ZNF718: variants seen among roughly 807,000 people sequenced by gnomAD.
ZNF718 encodes zinc finger protein 718.
Under a neutral mutation model 2.6 loss-of-function variants are expected in ZNF718, and 3 were observed. That is an observed-to-expected ratio of 1.16 (90% CI 0.53 to 3.01). ZNF718 has a LOEUF of 3.01. Ranked by LOEUF, ZNF718 falls within the 30% of genes most tolerant of loss-of-function variation. The pLI, the probability that ZNF718 is intolerant of heterozygous loss-of-function variation, is 0.03. For synonymous variants in ZNF718, 135 were observed against 77.9 expected (o/e 1.73, Z -3.86); for missense variants, 468 against 230.0 (o/e 2.03, Z -6.69).
chr4:166,416 A>G (rs1717088870), downstream of ZNF718, among the ~76,000 whole-genome samples: 1 of 152,190 alleles, frequency 6.6e-6, no homozygotes, highest in Non-Finnish European at 1.5e-5. Flanking sequence ...ATCCCTGAGG[A>G]ATCGCCACAT....
intron 3 of ZNF718, among the ~76,000 whole-genome samples, chr4:140,041 G>T (rs1416488452): frequency 6.6e-6 from 1 of 151,120 alleles, no homozygotes; most frequent in Non-Finnish European, 1.5e-5. Context: ...TTTTCTGCAC[G>T]TGGTCCCCGA....
Position 162,444 on chromosome 4 carries a change from C to T in ZNF718, c.*322C>T, listed in dbSNP as rs150738691. ...GCATTTATACTTGAGAAAAATTGTA[C>T]AAATATAGAAAATGTAGAAAAGCCA... On this transcript the variant is annotated 3_prime_UTR_variant, in exon 4 of 4. Coordinates refer to ENST00000510175, the MANE Select transcript of ZNF718 (RefSeq NM_001039127.6). 272 of 202,490 alleles carry T rather than the reference C, an allele frequency of 1.3e-3. 4 individuals are homozygous for T. Among genetic ancestry groups the T allele is most frequent in the African/African-American group, 6.1e-3 (264 of 43,254 alleles). 12.5% of individuals were successfully genotyped at this position (202,490 alleles called of 1,614,324 possible). A position where few individuals can be genotyped will look rare whatever the true frequency, so the allele number is the denominator to read the frequency against.
rs1021008890 is a variant in ZNF718, at chr4:124,509, C to T, written c.-162C>T. 7.9e-6 allele frequency: 8 copies of T among 1,006,828 alleles called. No individual in the cohort carries two copies. Among genetic ancestry groups the T allele is most frequent in the African/African-American group, 4.8e-5 (3 of 62,748 alleles). 62.4% of individuals were successfully genotyped at this position (1,006,828 alleles called of 1,614,324 possible). A position where few individuals can be genotyped will look rare whatever the true frequency, so the allele number is the denominator to read the frequency against. ...CATCCGGGATCTGGCGCGGCTTTTGCTTGTAGCTCCAGCCAGAGCTCGGTT... is the reference window on the plus strand; with the variant it reads ...CATCCGGGATCTGGCGCGGCTTTTGTTTGTAGCTCCAGCCAGAGCTCGGTT... On this transcript the variant is annotated 5_prime_UTR_variant, in exon 1 of 4. Coordinates refer to ENST00000510175, the MANE Select transcript of ZNF718 (RefSeq NM_001039127.6).
intron 3 of ZNF718, among the ~76,000 whole-genome samples, chr4:194,179 ATT>A (rs1581487246): frequency 6.6e-6 from 1 of 152,062 alleles, no homozygotes; most frequent in East Asian, 1.9e-4. Context: ...CTCTTGAAGT[ATT>A]TTTCTAATGT....
chr4:125,793 C>A (rs1715183936), intron 1 of ZNF718, among the ~76,000 whole-genome samples: 1 of 152,242 alleles, frequency 6.6e-6, no homozygotes, highest in South Asian at 2.1e-4. Flanking sequence ...ATTCGCACGG[C>A]CACACCTGGC....
chr4:148,109 T>A (rs1716147907), intron 3 of ZNF718, among the ~76,000 whole-genome samples: 1 of 152,172 alleles, frequency 6.6e-6, no homozygotes. Flanking sequence ...CATTTATGCC[T>A]TCAGATTTCT....
chr4:150,031 TTCA>T (rs1553812268), intron 3 of ZNF718: 2 of 151,888 alleles, frequency 1.3e-5, no homozygotes, highest in Admixed American at 1.3e-4. Flanking sequence ...CCTTTTTTTC[TTCA>T]GCTCCTGAAG....
chr4:170,199 G>A (rs1262616527), intron 3 of ZNF718, among the ~76,000 whole-genome samples: 1 of 152,160 alleles, frequency 6.6e-6, no homozygotes, highest in Non-Finnish European at 1.5e-5. Context: ...GGCTTGTAGA[G>A]TTTCTGCCGA....
chr4:145,990 C>T (rs1716037609), intron 3 of ZNF718, among the ~76,000 whole-genome samples: 2 of 151,674 alleles, frequency 1.3e-5, no homozygotes, highest in African/African-American at 4.8e-5. Context: ...AACAAATATA[C>T]TGAAGCTATA....
intron 1 of ZNF718, chr4:124,976 C>G (rs185502998): frequency 7.7e-4 from 271 of 351,664 alleles, no homozygotes; most frequent in African/African-American, 4.9e-3. Context: ...GAGCTGTGGT[C>G]CGGAATCCCG....
At chr4:192,717 G>C (rs1307295033) in intron 3 of ZNF718, among the ~76,000 whole-genome samples, 1 of 152,136 alleles carries the variant, frequency 6.6e-6, no homozygotes, top group African/African-American at 2.4e-5. Context: ...CCAGTCCATG[G>C]GTCCACAGTA....
At chr4:177,598 C>T (rs545442105) in intron 3 of ZNF718, among the ~76,000 whole-genome samples, 1 of 152,266 alleles carries the variant, frequency 6.6e-6, no homozygotes, top group Admixed American at 6.5e-5. Context: ...TTCCTTCTCA[C>T]CTAGAAACTC....
chr4:147,699 A>G (rs966040872), intron 3 of ZNF718, among the ~76,000 whole-genome samples: 3 of 152,184 alleles, frequency 2.0e-5, no homozygotes, highest in Non-Finnish European at 2.9e-5. Flanking sequence ...CCCCGTCTCT[A>G]CTAAAATACA....
downstream of ZNF718, among the ~76,000 whole-genome samples, chr4:168,477 G>T (rs1440512924): frequency 6.6e-6 from 1 of 152,064 alleles, no homozygotes; most frequent in African/African-American, 2.4e-5. Context: ...AATCCATCTG[G>T]TGCTGGACTT....
intron 3 of ZNF718, among the ~76,000 whole-genome samples, chr4:133,193 A>ATATATATATATAT (rs1485011756): frequency 4.9e-5 from 1 of 20,406 alleles, no homozygotes; most frequent in South Asian, 1.1e-3. Context: ...AAAAAAAAAA[A>ATATATATATATAT]AAATATATAT....
rs575155316 is a variant in ZNF718, at chr4:176,621, A to G, written c.227-24460A>G. On this transcript the variant is annotated intron_variant and NMD_transcript_variant, in intron 3 of 4. Coordinates refer to the ZNF718 transcript ENST00000642529. ...CAATATTTTAACTCCTGAACCATGTATCCAAAATGATGCCACTGAATTCTA... is the reference window on the plus strand; with the variant it reads ...CAATATTTTAACTCCTGAACCATGTGTCCAAAATGATGCCACTGAATTCTA... 7.2e-5 allele frequency among the ~76,000 whole-genome samples: 11 copies of G among 152,154 alleles called. No individual in the cohort carries two copies. The East Asian group carries it at 2.1e-3, about 29-fold the overall frequency.
chr4:186,014 T>A (rs1717560077), intron 3 of ZNF718, among the ~76,000 whole-genome samples: 1 of 152,134 alleles, frequency 6.6e-6, no homozygotes, highest in Non-Finnish European at 1.5e-5. Context: ...AGTATTGTTC[T>A]GTGTGATTTT....
chr4:153,509 T>A (rs1349849719), intron 3 of ZNF718, among the ~76,000 whole-genome samples: 1 of 152,168 alleles, frequency 6.6e-6, no homozygotes, highest in African/African-American at 2.4e-5. Flanking sequence ...TTGGGTAGTA[T>A]AGCAACTTTC....
In ZNF718 at chr4:163,021, T is replaced by C. The variant is rs537499706; in HGVS notation, c.*899T>C. 1 of 152,286 alleles carries C rather than the reference T, an allele frequency of 6.6e-6. No individual in the cohort carries two copies. Among genetic ancestry groups the C allele is most frequent in the African/African-American group, 2.4e-5 (1 of 41,566 alleles). The allele number at this position is 152,286 out of a possible 1,614,324, so 9.4% of individuals were successfully genotyped here. A position where few individuals can be genotyped will look rare whatever the true frequency, so the allele number is the denominator to read the frequency against. On this transcript the variant is annotated 3_prime_UTR_variant, in exon 4 of 4. Transcript: ENST00000510175. ...GGAGTAGCTTTTTGAAATTATTCCA[T>C]TGAAATTATACTTTTTTTACCTGAA...
Sources: allele counts gnomAD v4.1 joint callset (sites outside exome capture counted in the v4.1 genomes callset), GRCh38; gene constraint gnomAD v4.1.1; transcripts MANE v1.5; gene names NCBI Gene and HGNC (gene_info 2026-07-23, HGNC 2026-07-21).